S1PR3: variants seen among roughly 807,000 people sequenced by gnomAD.
The protein encoded by S1PR3 is sphingosine-1-phosphate receptor 3.
In S1PR3, 12 loss-of-function variants were observed where a neutral mutation model predicts 13.3. The ratio of observed to expected loss-of-function variants is 0.90; its 90% confidence interval spans 0.58 to 1.46. The LOEUF is 1.46. Among genes scored for constraint, S1PR3 ranks in the 40% most tolerant of loss-of-function variants. The probability of loss-of-function intolerance (pLI) is 0.00; values close to 1 mark genes in which losing one functional copy is unlikely to be tolerated. For missense variants in S1PR3, 450 were observed against 501.9 expected, an observed-to-expected ratio of 0.90 and a Z score of 0.99; for synonymous variants, 232 against 214.0, an observed-to-expected ratio of 1.08 and a Z score of -0.73.
chr9:88,991,649 G>A lies in S1PR3; in HGVS notation c.-194G>A. The A allele has an allele frequency of 6.6e-7, 1 of 1,520,398 alleles. No individual in the cohort carries two copies. The highest frequency in any genetic ancestry group is 1.2e-5 in the South Asian group (1 of 80,250). 94.2% of individuals were successfully genotyped at this position (1,520,398 alleles called of 1,614,324 possible). On this transcript the variant is annotated 5_prime_UTR_variant, in exon 1 of 2. Transcript: ENST00000358157. This position sits in a 1 kb window ranked among gnomAD's most constrained non-coding sequence, Gnocchi z 4.0. ...ACCGGGCGCCCCGGCACCGCCGCGCGCCACCCGCTAGGATGCCGGTGGCCC... is the reference window on the plus strand; with the variant it reads ...ACCGGGCGCCCCGGCACCGCCGCGCACCACCCGCTAGGATGCCGGTGGCCC...
intron 1 of S1PR3, chr9:88,992,852 T>G (rs1383017015): frequency 6.6e-6 from 1 of 152,232 alleles, no homozygotes; most frequent in Non-Finnish European, 1.5e-5. Context: ...ATTTCATGGA[T>G]GCAGACCTTA....
intron 1 of S1PR3, chr9:88,996,947 T>A (rs1247551351): frequency 6.6e-6 from 1 of 152,090 alleles, no homozygotes; most frequent in Non-Finnish European, 1.5e-5. Context: ...CTCTTGTCCA[T>A]GAGATGCTTT....
intron 1 of S1PR3, chr9:88,992,076 A>G (rs949536332): frequency 3.3e-5 from 52 of 1,558,166 alleles, no homozygotes; most frequent in Middle Eastern, 1.7e-4. Context: ...CATTCTTTTA[A>G]ACAATATTCG....
At chr9:88,998,765 G>A (rs1825835096) in intron 1 of S1PR3, 1 of 152,228 alleles carries the variant, frequency 6.6e-6, no homozygotes, top group Non-Finnish European at 1.5e-5. Flanking sequence ...AGTGGAATTT[G>A]ACTTGAGGCT....
At chr9:88,999,782 A>T (rs1376749443) in intron 1 of S1PR3, 1 of 152,170 alleles carries the variant, frequency 6.6e-6, no homozygotes, top group East Asian at 1.9e-4. Flanking sequence ...CAGGCTGATC[A>T]CTTGAGGTCA....
At chr9:88,992,199 C>T (rs1305755378) in intron 1 of S1PR3, 1 of 649,950 alleles carries the variant, frequency 1.5e-6, no homozygotes, top group Non-Finnish European at 2.6e-6. Flanking sequence ...CACGGAAAAT[C>T]AGTACGTTGT....
chr9:88,991,144 C>G (rs780002221), upstream of S1PR3: 6 of 1,610,438 alleles, frequency 3.7e-6, no homozygotes, highest in Non-Finnish European at 5.1e-6. This position sits in a 1 kb window ranked among gnomAD's most constrained non-coding sequence, Gnocchi z 4.0. Context: ...GGTCTCTGGG[C>G]GCCCGGTTTC....
intron 1 of S1PR3, chr9:89,000,342 C>T (rs1825852246): frequency 6.9e-6 from 1 of 144,074 alleles, no homozygotes; most frequent in South Asian, 2.1e-4. Context: ...GCTTTCCTGT[C>T]CTTCCTTTAT....
intron 1 of S1PR3, chr9:88,992,021 G>T (rs756620794): frequency 1.2e-5 from 19 of 1,613,632 alleles, no homozygotes; most frequent in Middle Eastern, 1.6e-4. Flanking sequence ...AGGGCCTGGG[G>T]ATGCTGGACG....
At chr9:88,991,360 AGG>A, upstream of S1PR3, 1 of 160,340 alleles carries the variant, frequency 6.2e-6, no homozygotes, top group Non-Finnish European at 9.6e-6. The surrounding 1 kb of genome is among the most constrained non-coding windows in gnomAD (Gnocchi z 4.0). Context: ...GGACGGGGAG[AGG>A]GGGGCGGGGA....
Position 89,001,306 on chromosome 9 carries a change from T to C in S1PR3, c.106T>C (p.Ser36Pro). Residue 36 changes from serine (S) to proline (P), a missense_variant, in exon 2 of 2, where the codon TCC becomes CCC. Coordinates refer to ENST00000358157, the MANE Select transcript of S1PR3 (RefSeq NM_005226.4). ...GTTGGCGGGCAGGCTGAAGGAGGCCTCCGAGGGCAGCACGCTCACCACCGT... is the reference window on the plus strand; with the variant it reads ...GTTGGCGGGCAGGCTGAAGGAGGCCCCCGAGGGCAGCACGCTCACCACCGT... The part of the protein sequence containing the change: ...GKLAGRLKEA[S>P]EGSTLTTVLF... 1 of 1,614,138 alleles carries C rather than the reference T, an allele frequency of 6.2e-7. No homozygotes were observed. Among genetic ancestry groups the C allele is most frequent in the Non-Finnish European group, 8.5e-7 (1 of 1,180,018 alleles).
upstream of S1PR3, chr9:88,991,127 C>A (rs755324673): frequency 1.2e-5 from 19 of 1,612,280 alleles, no homozygotes; most frequent in Non-Finnish European, 1.6e-5. The surrounding 1 kb of genome is among the most constrained non-coding windows in gnomAD (Gnocchi z 4.0). Context: ...CAAGCCTGTT[C>A]CCGCTGGGTC....
In S1PR3 at chr9:89,004,477, T is replaced by C. The variant is rs536230690; in HGVS notation, c.*2140T>C. ...AAACATTCAGTATTGCATTTTCACA[T>C]AGGTGATGAAATGACTTTGGAACTT... On this transcript the variant is annotated 3_prime_UTR_variant, in exon 2 of 2. Coordinates refer to ENST00000358157, the MANE Select transcript of S1PR3 (RefSeq NM_005226.4). 72 of 167,188 alleles carry C rather than the reference T, an allele frequency of 4.3e-4. No homozygotes were observed. Among genetic ancestry groups the C allele is most frequent in the African/African-American group, 1.6e-3 (67 of 41,566 alleles). The allele number at this position is 167,188 out of a possible 1,614,324, so 10.4% of individuals were successfully genotyped here.
At position 89,002,182 on chromosome 9, in the gene S1PR3, A is replaced by T; in HGVS notation, c.982A>T (p.Ile328Phe). 2 of 1,613,826 alleles carry T rather than the reference A, an allele frequency of 1.2e-6. No homozygotes were observed. The highest frequency in any genetic ancestry group is 2.2e-5 in the East Asian group (1 of 44,842). The change falls in exon 2 of 2, where the codon ATC becomes TTC. Residue 328 changes from isoleucine (I) to phenylalanine (F), a missense_variant. By Grantham distance (21) the Ile-to-Phe change is conservative. Transcript: ENST00000358157. ...VRGRGARASP[I>F]QPALDPSRSK... ...GGGACGGGGGGCCCGCGCCTCACCCATCCAGCCTGCGCTCGACCCAAGCAG... is the reference window on the plus strand; with the variant it reads ...GGGACGGGGGGCCCGCGCCTCACCCTTCCAGCCTGCGCTCGACCCAAGCAG...
At position 89,002,339 on chromosome 9, in the gene S1PR3, C is replaced by T. The variant is rs778549047; in HGVS notation, c.*2C>T. 8.1e-6 allele frequency: 13 copies of T among 1,613,312 alleles called. No homozygotes were observed. In the Admixed American group the frequency reaches 1.8e-4, roughly 23 times the overall value. ...CAGAATGGGATCTTCTGCAACTGAT[C>T]GTCTCCATGCGCCCTGCTCTGCGGC... On this transcript the variant is annotated 3_prime_UTR_variant, in exon 2 of 2. Coordinates refer to ENST00000358157, the MANE Select transcript of S1PR3 (RefSeq NM_005226.4).
In S1PR3 at chr9:89,002,355, G is replaced by C; in HGVS notation, c.*18G>C. 6.2e-7 allele frequency: 1 copy of C among 1,610,394 alleles called. No individual in the cohort carries two copies. Among genetic ancestry groups the C allele is most frequent in the Non-Finnish European group, 8.5e-7 (1 of 1,177,492 alleles). On this transcript the variant is annotated 3_prime_UTR_variant, in exon 2 of 2. Transcript: ENST00000358157. Reference sequence around the variant, plus strand: ...GCAACTGATCGTCTCCATGCGCCCTGCTCTGCGGCTGTGTTCTTATTTATT... The same window carrying C: ...GCAACTGATCGTCTCCATGCGCCCTCCTCTGCGGCTGTGTTCTTATTTATT...
rs573907766 is a variant in S1PR3, at chr9:89,002,729, T to C, written c.*392T>C. On this transcript the variant is annotated 3_prime_UTR_variant, in exon 2 of 2. Transcript: ENST00000358157. ...CATTTCCTGTGCGTAGAATGGATGC[T>C]TGTATATTCGTACATCTCTATGTTA... is the stretch of plus-strand genomic sequence containing the variant. The C allele has an allele frequency of 3.1e-5, 8 of 254,868 alleles. No homozygotes were observed. The South Asian group carries it at 5.7e-4, about 18-fold the overall frequency. The allele number at this position is 254,868 out of a possible 1,614,324, so 15.8% of individuals were successfully genotyped here. A position where few individuals can be genotyped will look rare whatever the true frequency, so the allele number is the denominator to read the frequency against.
At position 89,002,379 on chromosome 9, in the gene S1PR3, T is replaced by C; in HGVS notation, c.*42T>C. ...TGCTCTGCGGCTGTGTTCTTATTTA[T>C]TGCATGCGTCGCTTCCACAGGGGCC... On this transcript the variant is annotated 3_prime_UTR_variant, in exon 2 of 2. Transcript: ENST00000358157. 1 of 1,591,342 alleles carries C rather than the reference T, an allele frequency of 6.3e-7. No homozygotes were observed. The highest frequency in any genetic ancestry group is 1.1e-5 in the South Asian group (1 of 87,282).
chr9:88,991,399 G>A (rs1825698201), upstream of S1PR3: 2 of 1,479,486 alleles, frequency 1.4e-6, no homozygotes, highest in South Asian at 2.4e-5. This position sits in a 1 kb window ranked among gnomAD's most constrained non-coding sequence, Gnocchi z 4.0. Flanking sequence ...GGGCGGCGAG[G>A]GGAGGGGCGG....
Sources: gnomAD v4.1 joint callset for allele counts on GRCh38, gnomAD v4.1.1 for gene constraint, Gnocchi (gnomAD v3.1) non-coding constraint, MANE v1.5 for transcripts, NCBI Gene and HGNC (gene_info 2026-07-23, HGNC 2026-07-21) for gene names.